SMC1A: variants seen among roughly 807,000 people sequenced by gnomAD.
The protein encoded by SMC1A is structural maintenance of chromosomes protein 1A.
In SMC1A, 4 loss-of-function variants were observed where a neutral mutation model predicts 94.5. That is an observed-to-expected ratio of 0.04 (90% CI 0.02 to 0.10). The LOEUF is 0.10. Ranked by LOEUF, SMC1A falls within the 10% of genes least tolerant of loss-of-function variation. The probability of loss-of-function intolerance (pLI) is 1.00; values close to 1 mark genes in which losing one functional copy is unlikely to be tolerated. For missense variants in SMC1A, 304 were observed against 989.0 expected, an observed-to-expected ratio of 0.31 and a Z score of 9.29; for synonymous variants, 345 against 347.7, an observed-to-expected ratio of 0.99 and a Z score of 0.09.
At position 53,381,126 on chromosome X, in the gene SMC1A, G is replaced by A. The variant is rs782237559; in HGVS notation, c.3438-39C>T. On this transcript the variant is annotated intron_variant, in intron 22 of 24. Transcript: ENST00000322213. ...AGTAGGTGAGCTGACACTGAGGCGGGGAGGGGGTGGCAAGGCGGGGTGGGA... is the reference window on the plus strand; with the variant it reads ...AGTAGGTGAGCTGACACTGAGGCGGAGAGGGGGTGGCAAGGCGGGGTGGGA... 10 of 886,280 alleles carry A rather than the reference G, an allele frequency of 1.1e-5. No homozygotes were observed. In the Admixed American group the frequency reaches 2.2e-4, roughly 20 times the overall value. 73.0% of individuals were successfully genotyped at this position (886,280 alleles called of 1,213,427 possible). A position where few individuals can be genotyped will look rare whatever the true frequency, so the allele number is the denominator to read the frequency against.
intron 1 of SMC1A, among the ~76,000 whole-genome samples, chrX:53,417,273 G>A (rs1351290737): frequency 3.6e-5 from 4 of 110,603 alleles, no homozygotes; most frequent in Non-Finnish European, 5.7e-5. Flanking sequence ...AGGGTGAGCC[G>A]GGCACGGTGG....
At chrX:53,392,218 G>A (rs2075632224) in intron 19 of SMC1A, among the ~76,000 whole-genome samples, 1 of 108,874 alleles carries the variant, frequency 9.2e-6, no homozygotes. Flanking sequence ...GTGAAACCCC[G>A]TCTCTACTAA....
At chrX:53,408,834 G>GAAA (rs2075700402) in intron 9 of SMC1A, among the ~76,000 whole-genome samples, 1 of 36,414 alleles carries the variant, frequency 2.7e-5, no homozygotes, top group Non-Finnish European at 4.6e-5. Context: ...ATGACAGGTT[G>GAAA]AAAAATAAAA....
chrX:53,396,379 C>G lies in SMC1A; in HGVS notation c.2710G>C (p.Glu904Gln). The change falls in exon 18 of 25, where the codon GAA becomes CAA. Residue 904 changes from glutamate to glutamine, a missense_variant and splice_region_variant. This residue lies in a region of SMC1A where 35 missense variants were observed against 95.4 expected (regional missense o/e 0.37). Transcript: ENST00000322213. The stretch of plus-strand genomic sequence containing the variant: ...ACCTCCTTCTGTAAATGGGTCATTT[C>G]CCTAAAAAAGGTCCAGGGGCTAGGT... Reference protein sequence around the residue: ...IRKKLGGANKEMTHLQKEVTA... With the variant: ...IRKKLGGANKQMTHLQKEVTA... 8.3e-7 allele frequency: 1 copy of G among 1,211,424 alleles called. No homozygotes were observed. The highest frequency in any genetic ancestry group is 1.1e-6 in the Non-Finnish European group (1 of 895,436).
rs952937090 is a variant in SMC1A at position 53,378,690 on chromosome X, A to G, written c.*1413T>C. The stretch of plus-strand genomic sequence containing the variant: ...TAATTAGAATGGACTTAACTTTTAA[A>G]AAGCAATATACAGATTGGAATTAAA... On this transcript the variant is annotated 3_prime_UTR_variant, in exon 25 of 25. Transcript: ENST00000322213. The G allele has an allele frequency of 5.3e-5, 6 of 112,652 alleles. No individual in the cohort carries two copies. The highest frequency in any genetic ancestry group is 1.9e-4 in the African/African-American group (6 of 30,958). 9.3% of individuals were successfully genotyped at this position (112,652 alleles called of 1,213,427 possible).
chrX:53,393,326 A>G (rs2075636898), intron 19 of SMC1A, among the ~76,000 whole-genome samples: 1 of 111,715 alleles, frequency 9.0e-6, no homozygotes. Flanking sequence ...ATACGAAGGA[A>G]AAAAATAAAA....
intron 3 of SMC1A, among the ~76,000 whole-genome samples, chrX:53,414,235 G>T (rs1556890968): frequency 8.9e-6 from 1 of 111,914 alleles, no homozygotes; most frequent in Non-Finnish European, 1.9e-5. Flanking sequence ...TGGAGTGCAA[G>T]GCTGGAGAAG....
At chrX:53,393,320 GAAGGAAAAAAAT>G (rs2075636829) in intron 19 of SMC1A, among the ~76,000 whole-genome samples, 1 of 108,770 alleles carries the variant, frequency 9.2e-6, no homozygotes, top group Non-Finnish European at 1.9e-5. Flanking sequence ...AGATAAATAC[GAAGGAAAAAAAT>G]AAAATAAAAA....
At chrX:53,417,966 C>G (rs1351027206) in intron 1 of SMC1A, among the ~76,000 whole-genome samples, 2 of 112,103 alleles carry the variant, frequency 1.8e-5, no homozygotes, top group African/African-American at 6.5e-5. Context: ...GAAAAGGAAA[C>G]TAAGCAGCTA....
intron 9 of SMC1A, among the ~76,000 whole-genome samples, chrX:53,408,081 C>T (rs1406765511): frequency 6.2e-5 from 7 of 112,034 alleles, no homozygotes; most frequent in African/African-American, 2.3e-4. Flanking sequence ...GTAACCCTAC[C>T]ACTTTGGGAG....
intron 15 of SMC1A, 109 bp from the exon 16 acceptor site, chrX:53,399,839 G>T: frequency 1.3e-6 from 1 of 774,644 alleles, no homozygotes; most frequent in South Asian, 2.4e-5. Context: ...AGGGCTCAGG[G>T]ACCCAGAGTT....
intron 19 of SMC1A, among the ~76,000 whole-genome samples, chrX:53,388,620 T>G (rs947680168): frequency 1.4e-4 from 15 of 109,328 alleles, no homozygotes; most frequent in African/African-American, 5.0e-4. Context: ...GAAATCATAC[T>G]CCTGAGGACA....
chrX:53,383,700 TAGAG>T, intron 19 of SMC1A, among the ~76,000 whole-genome samples: 1 of 112,394 alleles, frequency 8.9e-6, no homozygotes, highest in African/African-American at 3.2e-5. Flanking sequence ...CAAATTCCAT[TAGAG>T]TTTAGTTTTA....
intron 16 of SMC1A, among the ~76,000 whole-genome samples, chrX:53,398,508 T>C (rs1432987838): frequency 9.0e-6 from 1 of 111,715 alleles, no homozygotes; most frequent in Non-Finnish European, 1.9e-5. Context: ...CAAAACATCA[T>C]CATTTGTTGC....
At position 53,422,438 on chromosome X, in the gene SMC1A, G is replaced by A. The variant is rs782710646; in HGVS notation, c.109+54C>T. 47 of 852,060 alleles carry A rather than the reference G, an allele frequency of 5.5e-5. No homozygotes were observed. The African/African-American group carries it at 7.3e-4, about 13-fold the overall frequency. 70.2% of individuals were successfully genotyped at this position (852,060 alleles called of 1,213,427 possible). ...GGCTGGGTTGTACTACTCCGGCACC[G>A]GATAAGGGGTCCAGGCCGGGACGTG... is the stretch of plus-strand genomic sequence containing the variant. On this transcript the variant is annotated intron_variant, in intron 1 of 24. Transcript: ENST00000322213.
At chrX:53,394,975 GAGAAAGCACCTTGCT>G (rs1307470121) in intron 18 of SMC1A, 87 bp from the exon 19 acceptor site, 1 of 571,278 alleles carries the variant, frequency 1.8e-6, no homozygotes, top group South Asian at 2.3e-5. Flanking sequence ...TTCAATCTTT[GAGAAAGCACCTTGCT>G]AGAAAGCACC....
chrX:53,392,490 A>C (rs1429767880), intron 19 of SMC1A, among the ~76,000 whole-genome samples: 1 of 110,446 alleles, frequency 9.1e-6, no homozygotes, highest in Non-Finnish European at 1.9e-5. Context: ...TGCTCTTGTC[A>C]CCCAGGTTGG....
At chrX:53,422,190 G>T in intron 1 of SMC1A, 1 of 619,106 alleles carries the variant, frequency 1.6e-6, no homozygotes, top group South Asian at 3.0e-5. Context: ...CTGGCGGGAA[G>T]CTGGTTCCAG....
intron 1 of SMC1A, 122 bp downstream of exon 1, chrX:53,422,370 G>A (rs1602418661): frequency 3.7e-6 from 2 of 538,529 alleles, no homozygotes; most frequent in Non-Finnish European, 6.5e-6. Context: ...CCCTCTGGAC[G>A]GGCAAGGAAC....
Sources: allele counts gnomAD v4.1 joint callset (sites outside exome capture counted in the v4.1 genomes callset), GRCh38; gene constraint gnomAD v4.1.1; regional missense constraint gnomAD v4.1.1; transcripts MANE v1.5; gene names NCBI Gene and HGNC (gene_info 2026-07-23, HGNC 2026-07-21).